RAB5A: variants seen among roughly 807,000 people sequenced by gnomAD.
The protein encoded by RAB5A is RAB5A, member RAS oncogene family, also known as ras-related protein Rab-5A.
A neutral mutation model predicts 25.7 loss-of-function variants in RAB5A; 8 were observed. The observed-to-expected ratio is 0.31, with a 90% CI of 0.18 to 0.56. The LOEUF (loss-of-function observed/expected upper bound fraction) is 0.56, where lower values mean the gene tolerates loss of function less well. RAB5A is among the 20% of genes least tolerant of loss of function. RAB5A has a pLI of 0.91. For missense variants in RAB5A, 192 were observed against 259.7 expected (o/e 0.74, Z 1.79); for synonymous variants, 98 against 89.8 (o/e 1.09, Z -0.52).
At position 19,967,452 on chromosome 3, in the gene RAB5A, C is replaced by T. The variant is rs903181456; in HGVS notation, c.164-8149C>T. 6.1e-4 allele frequency among the ~76,000 whole-genome samples: 93 copies of T among 152,258 alleles called. 2 individuals carry two copies. Among genetic ancestry groups the T allele is most frequent in the Non-Finnish European group, 1.0e-4 (7 of 68,006 alleles). On this transcript the variant is annotated intron_variant, in intron 2 of 5. Transcript: ENST00000273047. ...GAGCCATTGCGCTCGGCCCTTTGTC[C>T]ATTTTCTAATCAGGTTTTTTGTTGT...
intron 2 of RAB5A, among the ~76,000 whole-genome samples, chr3:19,968,681 A>C (rs561120044): frequency 4.3e-4 from 65 of 152,260 alleles, no homozygotes; most frequent in African/African-American, 1.5e-3. Context: ...GGCTGGTCTC[A>C]AACTCTGGGC....
intron 2 of RAB5A, among the ~76,000 whole-genome samples, chr3:19,974,728 G>GA (rs1319796695): frequency 1.4e-4 from 5 of 35,030 alleles, no homozygotes; most frequent in Non-Finnish European, 3.8e-4. Flanking sequence ...CTCAGAAAAA[G>GA]AAAAAAAAAG....
chr3:19,955,637 T>C (rs942452308), intron 2 of RAB5A, among the ~76,000 whole-genome samples: 2 of 152,170 alleles, frequency 1.3e-5, no homozygotes, highest in African/African-American at 2.4e-5. Flanking sequence ...CTCATACCTG[T>C]AATCCCAACA....
intron 2 of RAB5A, among the ~76,000 whole-genome samples, chr3:19,969,012 T>C (rs1696698814): frequency 6.6e-6 from 1 of 150,590 alleles, no homozygotes; most frequent in African/African-American, 2.5e-5. Context: ...TTTTTGCAAA[T>C]TGGTGTTTTT....
In RAB5A at chr3:19,949,091, G is replaced by T. The variant is rs546432021; in HGVS notation, c.-94+1570G>T. 1.1e-4 allele frequency among the ~76,000 whole-genome samples: 16 copies of T among 152,250 alleles called. No homozygotes were observed. In the East Asian group the frequency reaches 3.1e-3, roughly 29 times the overall value. On this transcript the variant is annotated intron_variant, in intron 1 of 5. Coordinates refer to ENST00000273047, the MANE Select transcript of RAB5A (RefSeq NM_004162.5). ...TAGAAACTTGGAAATTAAAGAGTTT[G>T]CCCAGACGGAAATTGGTATAGCCAG... is the stretch of plus-strand genomic sequence containing the variant.
chr3:19,956,822 CATT>C (rs1324737738), intron 2 of RAB5A, among the ~76,000 whole-genome samples: 6 of 151,994 alleles, frequency 3.9e-5, no homozygotes, highest in East Asian at 1.9e-4. Context: ...ATCGTTTTGT[CATT>C]GTTGATATTT....
chr3:19,982,775 A>AG (rs2125134333), intron 5 of RAB5A, among the ~76,000 whole-genome samples: 1 of 152,060 alleles, frequency 6.6e-6, no homozygotes, highest in Non-Finnish European at 1.5e-5. Context: ...AAAAAAAAAA[A>AG]AAAGAGAGCA....
In RAB5A at chr3:19,949,401, T is replaced by C. The variant is rs555651964; in HGVS notation, c.-93-1405T>C. On this transcript the variant is annotated intron_variant, in intron 1 of 5. Transcript: ENST00000273047. ...ATATTTCTTTCTTTTGTTTTTAATATAGAGACAGGGTCTCACTGTGTTGCC... is the reference window on the plus strand; with the variant it reads ...ATATTTCTTTCTTTTGTTTTTAATACAGAGACAGGGTCTCACTGTGTTGCC... Among the ~76,000 whole-genome samples, 4 of 152,312 alleles carry C rather than the reference T, an allele frequency of 2.6e-5. No individual in the cohort carries two copies. In the South Asian group the frequency reaches 8.3e-4, roughly 32 times the overall value.
intron 2 of RAB5A, among the ~76,000 whole-genome samples, chr3:19,951,702 T>TTTTTTTTTTTTC (rs544145402): frequency 0.23 from 13,346 of 57,228 alleles, 1,096 homozygotes; most frequent in Middle Eastern, 0.33. Context: ...GCCAGGCAAG[T>TTTTTTTTTTTTC]TTTTTTTTTT....
chr3:19,950,711 T>C (rs57181336), intron 1 of RAB5A, 95 bp from the exon 2 acceptor site: 5,389 of 533,518 alleles, frequency 0.01, 212 homozygotes, highest in African/African-American at 0.09. Context: ...TCTAGTAGAG[T>C]TTAAGATAAT....
chr3:19,959,346 C>G (rs1696550511), intron 2 of RAB5A, among the ~76,000 whole-genome samples: 1 of 152,074 alleles, frequency 6.6e-6, no homozygotes, highest in South Asian at 2.1e-4. Flanking sequence ...ACATTGTAAT[C>G]TGGTGCTATA....
chr3:19,972,487 C>T (rs539662520), intron 2 of RAB5A, among the ~76,000 whole-genome samples: 1 of 152,098 alleles, frequency 6.6e-6, no homozygotes, highest in Admixed American at 6.6e-5. Context: ...GGTTTCTAAG[C>T]AGAGTTGAGG....
chr3:19,970,540 G>A (rs1418849269), intron 2 of RAB5A: 6 of 456,634 alleles, frequency 1.3e-5, no homozygotes, highest in South Asian at 3.1e-5. Context: ...TTGTCATCGC[G>A]TACACAGTAA....
intron 2 of RAB5A, among the ~76,000 whole-genome samples, chr3:19,958,395 A>G (rs1003792109): frequency 2.0e-5 from 3 of 152,158 alleles, no homozygotes; most frequent in Non-Finnish European, 2.9e-5. Flanking sequence ...ATTATTCCCC[A>G]ATTTCTTAGG....
intron 2 of RAB5A, among the ~76,000 whole-genome samples, chr3:19,971,672 G>A (rs1014263548): frequency 1.3e-5 from 2 of 151,958 alleles, no homozygotes; most frequent in East Asian, 1.9e-4. Flanking sequence ...ACGAGGTTTC[G>A]CCATACCGGT....
intron 2 of RAB5A, among the ~76,000 whole-genome samples, chr3:19,961,356 T>C (rs1696581647): frequency 6.6e-6 from 1 of 152,194 alleles, no homozygotes; most frequent in Non-Finnish European, 1.5e-5. Context: ...TGTTCTGGAA[T>C]GTACTGTGTA....
rs386396075 is a variant in RAB5A at position 19,969,045 on chromosome 3, G to GTTTTTTTTTTTTT, written c.164-6552_164-6540dup. Among the ~76,000 whole-genome samples, 9 of 103,428 alleles carry GTTTTTTTTTTTTT rather than the reference G, an allele frequency of 8.7e-5. 2 individuals are homozygous for GTTTTTTTTTTTTT. Among genetic ancestry groups the GTTTTTTTTTTTTT allele is most frequent in the Non-Finnish European group, 1.2e-4 (7 of 57,542 alleles). The allele number at this position is 103,428 out of a possible 152,430, so 67.9% of individuals were successfully genotyped here. A position where few individuals can be genotyped will look rare whatever the true frequency, so the allele number is the denominator to read the frequency against. On this transcript the variant is annotated intron_variant, in intron 2 of 5. Transcript: ENST00000273047. The stretch of plus-strand genomic sequence containing the variant: ...TTTTGGTTTTGGTTTTTTTTTTTTG[G>GTTTTTTTTTTTTT]TTTTTTTTTTTTTTTTGAGATGGAG...
intron 1 of RAB5A, among the ~76,000 whole-genome samples, chr3:19,948,069 G>T (rs1005578116): frequency 6.6e-6 from 1 of 152,116 alleles, no homozygotes; most frequent in Non-Finnish European, 1.5e-5. Flanking sequence ...AAAATAGGCT[G>T]TCTAGAGACT....
intron 2 of RAB5A, among the ~76,000 whole-genome samples, chr3:19,953,427 T>TTC (rs1696453331): frequency 6.6e-6 from 1 of 151,618 alleles, no homozygotes; most frequent in South Asian, 2.1e-4. Flanking sequence ...TTTTTTTTTT[T>TTC]TGGAGACAAG....
Sources: allele counts gnomAD v4.1 joint callset (sites outside exome capture counted in the v4.1 genomes callset), GRCh38; gene constraint gnomAD v4.1.1; transcripts MANE v1.5; gene names NCBI Gene and HGNC (gene_info 2026-07-23, HGNC 2026-07-21).